The following ZNF479 variants were observed in gnomAD, a reference collection of about 807,000 sequenced individuals.
ZNF479 encodes the protein zinc finger protein 479, also known as KRAB zinc finger protein KR19.
A neutral mutation model predicts 14.7 loss-of-function variants in ZNF479; 15 were observed. That is an observed-to-expected ratio of 1.02 (90% CI 0.68 to 1.57). The LOEUF (loss-of-function observed/expected upper bound fraction) is 1.57. Ranked by LOEUF, ZNF479 falls within the 40% of genes most tolerant of loss-of-function variation. The pLI, the probability that ZNF479 is intolerant of heterozygous loss-of-function variation, is 0.00. For synonymous variants in ZNF479, 145 were observed against 211.5 expected (o/e 0.69, Z 2.73); for missense variants, 506 against 615.1 (o/e 0.82, Z 1.88).
rs7805171 is a variant in ZNF479, at chr7:57,120,819, T to C, written c.596A>G (p.His199Arg). 0.34 allele frequency: 541,157 copies of C among 1,611,986 alleles called. 94,278 individuals are homozygous for C. The highest frequency in any genetic ancestry group is 0.51 in the East Asian group (22,756 of 44,800). The change falls in exon 4 of 4, where the codon CAC (histidine) becomes CGC (arginine). Residue 199 changes from histidine to arginine, a missense_variant. Physicochemically the swap from His to Arg is conservative, Grantham distance 29. Transcript: ENST00000319636. ...ATGAATTACCTGATGTTGATTTAGG[T>C]GTGAAAGCATGCAAAATGATTTGCC... ...KYGKSFCMLS[H>R]LNQHQVIHTR...
upstream of ZNF479, among the ~76,000 whole-genome samples, chr7:57,136,726 G>T (rs946382952): frequency 6.6e-6 from 1 of 152,136 alleles, no homozygotes; most frequent in African/African-American, 2.4e-5. Context: ...CGGGTTCAGG[G>T]TTCAATTTCT....
Position 57,119,681 on chromosome 7 carries a change from T to G in ZNF479, c.*159A>C. The G allele has an allele frequency of 1.4e-6, 1 of 735,428 alleles. No homozygotes were observed. The highest frequency in any genetic ancestry group is 2.2e-6 in the Non-Finnish European group (1 of 451,208). 45.6% of individuals were successfully genotyped at this position (735,428 alleles called of 1,614,324 possible). ...GTTGGTTAAAGGCTTTGTTACATTT[T>G]TTTACATTTATAAAATTTCTGTCCA... On this transcript the variant is annotated 3_prime_UTR_variant, in exon 4 of 4. Transcript: ENST00000319636.
intron 1 of ZNF479, among the ~76,000 whole-genome samples, chr7:57,137,736 G>A (rs1413726485): frequency 6.6e-6 from 1 of 152,158 alleles, no homozygotes; most frequent in African/African-American, 2.4e-5. Context: ...AATATTCTTA[G>A]GTTGAGCACC....
chr7:57,130,568 C>A (rs1423581940), intron 1 of ZNF479, among the ~76,000 whole-genome samples: 1 of 151,332 alleles, frequency 6.6e-6, no homozygotes, highest in South Asian at 2.1e-4. Flanking sequence ...AGAAATAATT[C>A]AAATAAAAAC....
intron 1 of ZNF479, among the ~76,000 whole-genome samples, chr7:57,129,857 A>G (rs1416591330): frequency 1.3e-5 from 2 of 152,238 alleles, no homozygotes; most frequent in African/African-American, 4.8e-5. Flanking sequence ...GGATGCAATT[A>G]CATAAAAATG....
intron 1 of ZNF479, among the ~76,000 whole-genome samples, chr7:57,128,590 C>T (rs537430412): frequency 2.0e-5 from 3 of 152,250 alleles, no homozygotes; most frequent in South Asian, 2.1e-4. Flanking sequence ...TTTTAAATAT[C>T]GTAGGTCATA....
At chr7:57,134,533 G>A (rs1013625906), upstream of ZNF479, among the ~76,000 whole-genome samples, 1 of 152,084 alleles carries the variant, frequency 6.6e-6, no homozygotes, top group African/African-American at 2.4e-5. Context: ...AGAAATAACT[G>A]TTAAATATCC....
chr7:57,118,790 G>A lies in ZNF479; in HGVS notation c.*1050C>T, dbSNP rs6972779. ...TATAAATGCTTTCCTGTACCATAAG[G>A]TGTGAGAATTTGTTAAAAGTTTTGC... is the stretch of plus-strand genomic sequence containing the variant. On this transcript the variant is annotated 3_prime_UTR_variant, in exon 4 of 4. Coordinates refer to ENST00000319636, the MANE Select transcript of ZNF479 (RefSeq NM_001370129.2). Among the ~76,000 whole-genome samples, 2,986 of 152,254 alleles carry A rather than the reference G, an allele frequency of 0.02. 81 individuals are homozygous for A. Among genetic ancestry groups the A allele is most frequent in the African/African-American group, 0.068 (2,813 of 41,514 alleles).
In ZNF479 at chr7:57,119,630, T is replaced by A. The variant is rs1785811787; in HGVS notation, c.*210A>T. On this transcript the variant is annotated 3_prime_UTR_variant, in exon 4 of 4. Coordinates refer to ENST00000319636, the MANE Select transcript of ZNF479 (RefSeq NM_001370129.2). ...TCAAAAAAATTTTTTTAAAATAAAT[T>A]CTCTTAGGTTTATTAAGGTTTGAGG... The A allele has an allele frequency of 1.8e-6, 1 of 554,518 alleles. No individual in the cohort carries two copies. Among genetic ancestry groups the A allele is most frequent in the Non-Finnish European group, 3.2e-6 (1 of 311,612 alleles). 34.3% of individuals were successfully genotyped at this position (554,518 alleles called of 1,614,324 possible). A position where few individuals can be genotyped will look rare whatever the true frequency, so the allele number is the denominator to read the frequency against.
At chr7:57,129,169 C>T (rs967027559) in intron 1 of ZNF479, among the ~76,000 whole-genome samples, 2 of 152,172 alleles carry the variant, frequency 1.3e-5, no homozygotes, top group African/African-American at 2.4e-5. Context: ...GTAATGGGAG[C>T]ATGAACCGCA....
chr7:57,118,278 G>A lies in ZNF479; in HGVS notation c.*1562C>T, dbSNP rs559781807. Among the ~76,000 whole-genome samples the A allele has an allele frequency of 7.9e-5, 12 of 152,378 alleles. No individual in the cohort carries two copies. Among genetic ancestry groups the A allele is most frequent in the African/African-American group, 2.6e-4 (11 of 41,590 alleles). On this transcript the variant is annotated 3_prime_UTR_variant, in exon 4 of 4. Transcript: ENST00000319636. ...AATCTGTAATGGAAGTAAAGGTACA[G>A]CAATCCTCTTTAAGTTTGTATGTTT...
chr7:57,138,562 G>A (rs1018672929), intron 1 of ZNF479, among the ~76,000 whole-genome samples: 3 of 152,062 alleles, frequency 2.0e-5, no homozygotes, highest in Non-Finnish European at 2.9e-5. Flanking sequence ...GCCTACAGGC[G>A]CAGCGATGAC....
chr7:57,130,832 A>T (rs187052928), intron 1 of ZNF479, among the ~76,000 whole-genome samples: 1 of 152,362 alleles, frequency 6.6e-6, no homozygotes, highest in African/African-American at 2.4e-5. Context: ...GATTCACAAT[A>T]GCAAAAACAA....
At chr7:57,137,745 C>A (rs1314141839) in intron 1 of ZNF479, among the ~76,000 whole-genome samples, 2 of 152,198 alleles carry the variant, frequency 1.3e-5, no homozygotes, top group African/African-American at 4.8e-5. Flanking sequence ...AGGTTGAGCA[C>A]CTAGATAATG....
At chr7:57,127,019 T>TC (rs1786199259) in intron 1 of ZNF479, among the ~76,000 whole-genome samples, 1 of 133,478 alleles carries the variant, frequency 7.5e-6, no homozygotes, top group African/African-American at 2.5e-5. Context: ...GTTTTTCTTT[T>TC]TTTTTTCTTT....
At chr7:57,121,177 T>A in intron 3 of ZNF479, 25 bp from the exon 4 acceptor site, 1 of 1,613,578 alleles carries the variant, frequency 6.2e-7, no homozygotes, top group Non-Finnish European at 8.5e-7. Flanking sequence ...AAGCACAAGT[T>A]ACTCCACTTT....
chr7:57,121,534 T>A (rs1421170666), intron 3 of ZNF479, among the ~76,000 whole-genome samples: 2 of 152,194 alleles, frequency 1.3e-5, no homozygotes, highest in Non-Finnish European at 2.9e-5. Context: ...GACTGCAGTA[T>A]GATGGGCAGA....
intron 3 of ZNF479, among the ~76,000 whole-genome samples, chr7:57,125,799 TGAA>T (rs1156744833): frequency 1.3e-5 from 2 of 152,160 alleles, no homozygotes; most frequent in African/African-American, 4.8e-5. Flanking sequence ...ACTGTGAACT[TGAA>T]GAAAGATTAT....
chr7:57,133,003 G>C (rs1562852202), upstream of ZNF479, among the ~76,000 whole-genome samples: 1 of 152,184 alleles, frequency 6.6e-6, no homozygotes. Flanking sequence ...TGGCGTGGCA[G>C]TGTGCCTGTA....
Sources: gnomAD v4.1 joint callset for allele counts (sites outside exome capture counted in the v4.1 genomes callset) on GRCh38, gnomAD v4.1.1 for gene constraint, MANE v1.5 for transcripts, NCBI Gene and HGNC (gene_info 2026-07-23, HGNC 2026-07-21) for gene names.